RAD9A: variants seen among roughly 807,000 people sequenced by gnomAD.
The protein encoded by RAD9A is cell cycle checkpoint control protein RAD9A.
Under a neutral mutation model 41.2 loss-of-function variants are expected in RAD9A, and 25 were observed. The observed-to-expected ratio is 0.61, with a 90% CI of 0.44 to 0.85. RAD9A has a LOEUF of 0.85. Ranked by LOEUF, RAD9A falls within the 40% of genes least tolerant of loss-of-function variation. The probability of loss-of-function intolerance (pLI) is 0.00; values close to 1 mark genes in which losing one functional copy is unlikely to be tolerated. For synonymous variants in RAD9A, 252 were observed against 210.6 expected, an observed-to-expected ratio of 1.20 and a Z score of -1.70; for missense variants, 514 against 518.3, an observed-to-expected ratio of 0.99 and a Z score of 0.08.
chr11:67,396,417 C>T lies in RAD9A; in HGVS notation c.872+17C>T. ...GGCTCACAGGTGAGGGCACCTCCCC[C>T]CAACTCCTCCTCTCTCCATGTCTGT... On this transcript the variant is annotated intron_variant, in intron 9 of 10. Transcript: ENST00000307980. 2 of 1,612,712 alleles carry T rather than the reference C, an allele frequency of 1.2e-6. No homozygotes were observed. The highest frequency in any genetic ancestry group is 2.2e-5 in the East Asian group (1 of 44,880).
At chr11:67,392,806 G>A in intron 3 of RAD9A, 24 bp downstream of exon 3, 1 of 1,612,270 alleles carries the variant, frequency 6.2e-7, no homozygotes, top group East Asian at 2.2e-5. Flanking sequence ...CTCAGCAGTG[G>A]CACTACTCCA....
chr11:67,396,494 G>A, intron 9 of RAD9A, 94 bp downstream of exon 9: 1 of 1,450,562 alleles, frequency 6.9e-7, no homozygotes. Flanking sequence ...CCCGCAATGT[G>A]TTCTCTCCCG....
rs368753611 is a variant in RAD9A at position 67,397,601 on chromosome 11, C to T, written c.*42C>T. ...CTGTACCCAGAGGCCTTGGACTAGA[C>T]GAAGCCCCAGCCAGTGGCAGAACTG... On this transcript the variant is annotated 3_prime_UTR_variant, in exon 11 of 11. Coordinates refer to ENST00000307980, the MANE Select transcript of RAD9A (RefSeq NM_004584.3). 24 of 1,508,524 alleles carry T rather than the reference C, an allele frequency of 1.6e-5. No individual in the cohort carries two copies. The highest frequency in any genetic ancestry group is 2.4e-4 in the Middle Eastern group (1 of 4,206). The allele number at this position is 1,508,524 out of a possible 1,614,324, so 93.4% of individuals were successfully genotyped here.
rs376829933 is a variant in RAD9A, at chr11:67,396,036, A to T, written c.669+15A>T. ...AGGAATTCCGGGTGAGGTTCCTCCC[A>T]GGCGCTCGCCGTCCTGTCCTCCCTG... On this transcript the variant is annotated intron_variant, in intron 7 of 10. Coordinates refer to ENST00000307980, the MANE Select transcript of RAD9A (RefSeq NM_004584.3). The T allele has an allele frequency of 3.1e-6, 5 of 1,613,906 alleles. No homozygotes were observed. In the African/African-American group the frequency reaches 6.7e-5, roughly 22 times the overall value.
At chr11:67,393,156 T>G in intron 3 of RAD9A, 1 of 509,784 alleles carries the variant, frequency 2.0e-6, no homozygotes, top group Non-Finnish European at 2.9e-6. Context: ...GGCACGCGCC[T>G]GTAATCCCAG....
At chr11:67,397,116 C>A (rs1862727685) in intron 9 of RAD9A, 63 bp from the exon 10 acceptor site, 5 of 1,356,848 alleles carry the variant, frequency 3.7e-6, no homozygotes, top group Non-Finnish European at 4.2e-6. Flanking sequence ...TTCGAGCCCT[C>A]CAAGGTGGGG....
At chr11:67,396,483 C>T in intron 9 of RAD9A, 83 bp downstream of exon 9, 1 of 1,503,628 alleles carries the variant, frequency 6.7e-7, no homozygotes. Context: ...TTCTGCACCT[C>T]CCCGCAATGT....
At position 67,398,087 on chromosome 11, in the gene RAD9A, G is replaced by C. The variant is rs1469638384; in HGVS notation, c.*528G>C. ...GCCTTGGACCCGAGTGTGTGGCTAG[G>C]GTTGCCCTGGCTGGGGCCCGGTGCC... On this transcript the variant is annotated 3_prime_UTR_variant, in exon 11 of 11. Coordinates refer to ENST00000307980, the MANE Select transcript of RAD9A (RefSeq NM_004584.3). 1 of 210,388 alleles carries C rather than the reference G, an allele frequency of 4.8e-6. No individual in the cohort carries two copies. The highest frequency in any genetic ancestry group is 2.3e-5 in the African/African-American group (1 of 42,712). 13.0% of individuals were successfully genotyped at this position (210,388 alleles called of 1,614,324 possible).
Position 67,395,535 on chromosome 11 carries a change from C to T in RAD9A, c.450-181C>T, listed in dbSNP as rs371588991. 1,158 of 596,308 alleles carry T rather than the reference C, an allele frequency of 1.9e-3. 28 individuals carry two copies. In the South Asian group the frequency reaches 0.023, roughly 12 times the overall value. The allele number at this position is 596,308 out of a possible 1,614,324, so 36.9% of individuals were successfully genotyped here. On this transcript the variant is annotated intron_variant, in intron 5 of 10. Coordinates refer to ENST00000307980, the MANE Select transcript of RAD9A (RefSeq NM_004584.3). ...GGTCTGCATGGTCAGGTGCCGCCTG[C>T]CAGGTTTGAGCAACCACTGCAACCA... is the stretch of plus-strand genomic sequence containing the variant.
chr11:67,397,190 CG>C lies in RAD9A; in HGVS notation c.886del (p.Asp296ThrfsTer12). The C allele has an allele frequency of 6.2e-7, 1 of 1,613,174 alleles. No homozygotes were observed. The highest frequency in any genetic ancestry group is 8.5e-7 in the Non-Finnish European group (1 of 1,179,260). On this transcript the variant is annotated frameshift_variant, in exon 10 of 11. Coordinates refer to ENST00000307980, the MANE Select transcript of RAD9A (RefSeq NM_004584.3). LOFTEE classifies it high-confidence loss of function. ...GATTCTGCCTACAGCACACCCCACC[CG>C]GACGACTTTGCCAATGACGACATTG... ...PQLQAHSTPH[P>X]DDFANDDIDS...
At position 67,395,825 on chromosome 11, in the gene RAD9A, G is replaced by A. The variant is rs2134955546; in HGVS notation, c.559G>A (p.Asp187Asn). The change falls in exon 6 of 11, where the codon GAC becomes AAC. Residue 187 changes from aspartate to asparagine, a missense_variant and splice_region_variant. Physicochemically the swap from Asp to Asn is conservative, Grantham distance 23 (BLOSUM62 1). Coordinates refer to ENST00000307980, the MANE Select transcript of RAD9A (RefSeq NM_004584.3). ...ILRSYHEEEA[D>N]STAKAMVTEM... is the part of the protein sequence containing the mutation. ...GCGCAGCTACCACGAGGAGGAGGCA[G>A]GTGAGGGGGCTGGACGTGGCCTGGG... is the stretch of plus-strand genomic sequence containing the variant. 3 of 1,613,666 alleles carry A rather than the reference G, an allele frequency of 1.9e-6. No individual in the cohort carries two copies. The highest frequency in any genetic ancestry group is 4.5e-5 in the East Asian group (2 of 44,886).
rs773286659 is a variant in RAD9A at position 67,393,768 on chromosome 11, C to G, written c.427C>G (p.His143Asp). The G allele has an allele frequency of 2.4e-5, 38 of 1,610,666 alleles. No individual in the cohort carries two copies. Among genetic ancestry groups the G allele is most frequent in the South Asian group, 3.3e-5 (3 of 90,604 alleles). Residue 143 changes from histidine (H) to aspartate (D), a missense_variant, in exon 5 of 11, where the codon CAC becomes GAC. His to Asp is a moderately conservative substitution (Grantham distance 81). Coordinates refer to ENST00000307980, the MANE Select transcript of RAD9A (RefSeq NM_004584.3). ...CGTCTTCGACCCAGCCTCGTGCCCC[C>G]ACATGCTCCGCGCCCCAGCACGGTG... is the stretch of plus-strand genomic sequence containing the variant. ...QAVFDPASCP[H>D]MLRAPARVLG...
At position 67,392,166 on chromosome 11, in the gene RAD9A, G is replaced by C. The variant is rs1862545110; in HGVS notation, c.40G>C (p.Gly14Arg). The change falls in exon 2 of 11, where the codon GGC becomes CGC. Residue 14 changes from glycine to arginine, a missense_variant. Coordinates refer to ENST00000307980, the MANE Select transcript of RAD9A (RefSeq NM_004584.3). ...LVTGGNVKVL[G>R]KAVHSLSRIG... ...TTCCGCTCTTCTCCCCGCAGTGCTC[G>C]GCAAGGCCGTCCACTCCCTGTCCCG... The C allele has an allele frequency of 3.1e-6, 5 of 1,612,304 alleles. No individual in the cohort carries two copies. The highest frequency in any genetic ancestry group is 2.2e-5 in the East Asian group (1 of 44,836).
Position 67,392,248 on chromosome 11 carries a change from T to TG in RAD9A, c.105+23dup, listed in dbSNP as rs1300127082. ...GAGGACGGGGTGAGGGGCTAGGGTGTGGGGGGCGGGTGGGACTCCAGCCGG... is the reference window on the plus strand; with the variant it reads ...GAGGACGGGGTGAGGGGCTAGGGTGTGGGGGGGCGGGTGGGACTCCAGCCGG... On this transcript the variant is annotated intron_variant, in intron 2 of 10. Transcript: ENST00000307980. 9 of 321,790 alleles carry TG rather than the reference T, an allele frequency of 2.8e-5. No homozygotes were observed. The highest frequency in any genetic ancestry group is 4.9e-5 in the Non-Finnish European group (8 of 162,500). The allele number at this position is 321,790 out of a possible 1,614,324, so 19.9% of individuals were successfully genotyped here.
At chr11:67,398,411 C>T (rs546408433), downstream of RAD9A, 20 of 953,658 alleles carry the variant, frequency 2.1e-5, no homozygotes, top group East Asian at 3.9e-4. Flanking sequence ...AAGAAAAATA[C>T]ACCAAGGCTC....
rs768636516 is a variant in RAD9A at position 67,395,675 on chromosome 11, C to T, written c.450-41C>T. On this transcript the variant is annotated intron_variant, in intron 5 of 10. Coordinates refer to ENST00000307980, the MANE Select transcript of RAD9A (RefSeq NM_004584.3). ...GGTCCTCCGAGAGCAAAGCCCTGGGCAGGGCCAGGCATTTCGGGTAATGCT... is the reference window on the plus strand; with the variant it reads ...GGTCCTCCGAGAGCAAAGCCCTGGGTAGGGCCAGGCATTTCGGGTAATGCT... 9.4e-6 allele frequency: 14 copies of T among 1,489,280 alleles called. No individual in the cohort carries two copies. The South Asian group carries it at 1.6e-4, about 17-fold the overall frequency. The allele number at this position is 1,489,280 out of a possible 1,614,324, so 92.3% of individuals were successfully genotyped here. A position where few individuals can be genotyped will look rare whatever the true frequency, so the allele number is the denominator to read the frequency against.
chr11:67,396,076 G>A (rs1264026116), intron 7 of RAD9A, 35 bp from the exon 8 acceptor site: 1 of 1,613,288 alleles, frequency 6.2e-7, no homozygotes, highest in Admixed American at 1.7e-5. Context: ...GCTCAGCCCA[G>A]CCCGGGGCCT....
At chr11:67,395,479 G>A (rs1451962332) in intron 5 of RAD9A, among the ~76,000 whole-genome samples, 2 of 152,212 alleles carry the variant, frequency 1.3e-5, no homozygotes, top group African/African-American at 2.4e-5. Context: ...GGTGGCCTGA[G>A]TGCCACGTCC....
Position 67,395,959 on chromosome 11 carries a change from G to A in RAD9A, c.607G>A (p.Asp203Asn), listed in dbSNP as rs562217638. 11 of 1,614,210 alleles carry A rather than the reference G, an allele frequency of 6.8e-6. No individual in the cohort carries two copies. The South Asian group carries it at 8.8e-5, about 13-fold the overall frequency. The change falls in exon 7 of 11, where the codon GAT becomes AAT. Residue 203 changes from aspartate (D) to asparagine (N), a missense_variant. By Grantham distance (23) the Asp-to-Asn change is conservative. Transcript: ENST00000307980. ...GACTGAGATGTGCCTTGGAGAGGAG[G>A]ATTTCCAGCAGCTGCAGGCCCAGGA... is the stretch of plus-strand genomic sequence containing the variant. ...MVTEMCLGEE[D>N]FQQLQAQEGV...
Sources: gnomAD v4.1 joint callset for allele counts (sites outside exome capture counted in the v4.1 genomes callset) on GRCh38, gnomAD v4.1.1 for gene constraint, MANE v1.5 for transcripts, NCBI Gene and HGNC (gene_info 2026-07-23, HGNC 2026-07-21) for gene names.